Variants in ZC3H7A observed in about 807,000 individuals in gnomAD.
The protein encoded by ZC3H7A is zinc finger CCCH domain-containing protein 7A.
A neutral mutation model predicts 125.5 loss-of-function variants in ZC3H7A; 44 were observed. That is an observed-to-expected ratio of 0.35 (90% CI 0.28 to 0.45). ZC3H7A has a LOEUF of 0.45. Ranked by LOEUF, ZC3H7A falls within the 20% of genes least tolerant of loss-of-function variation. The probability of loss-of-function intolerance (pLI) is 1.00; values close to 1 mark genes in which losing one functional copy is unlikely to be tolerated. For missense variants in ZC3H7A, 977 were observed against 1,170.7 expected, an observed-to-expected ratio of 0.83 and a Z score of 2.41; for synonymous variants, 399 against 391.2, an observed-to-expected ratio of 1.02 and a Z score of -0.23.
At chr16:11,768,254 A>T in intron 12 of ZC3H7A, 61 bp downstream of exon 12, 1 of 1,345,830 alleles carries the variant, frequency 7.4e-7, no homozygotes, top group Non-Finnish European at 9.7e-7. Context: ...CAAATTCCTA[A>T]GAACTTTCAA....
intron 11 of ZC3H7A, 47 bp from the exon 12 acceptor site, chr16:11,768,548 T>C (rs1473335648): frequency 2.2e-6 from 3 of 1,395,072 alleles, no homozygotes; most frequent in East Asian, 2.3e-5. Flanking sequence ...CCAACAAATA[T>C]TGCATTATCA....
intron 12 of ZC3H7A, among the ~76,000 whole-genome samples, chr16:11,767,803 A>G (rs180842298): frequency 1.3e-5 from 2 of 152,226 alleles, no homozygotes; most frequent in African/African-American, 2.4e-5. Flanking sequence ...CTGCCAAAAA[A>G]AAATACCCTT....
At position 11,750,777 on chromosome 16, in the gene ZC3H7A, A is replaced by G. The variant is rs1297644022; in HGVS notation, c.*540T>C. 6.5e-6 allele frequency: 1 copy of G among 152,712 alleles called. No individual in the cohort carries two copies. 9.5% of individuals were successfully genotyped at this position (152,712 alleles called of 1,614,324 possible). On this transcript the variant is annotated 3_prime_UTR_variant, in exon 23 of 23. Transcript: ENST00000355758. ...ATCCTTAATTCCCTTATTATAGTGA[A>G]ACATACAAATACAGAAAAATACCCC...
chr16:11,794,270 T>A (rs140320431), intron 1 of ZC3H7A, among the ~76,000 whole-genome samples: 2 of 152,330 alleles, frequency 1.3e-5, no homozygotes, highest in East Asian at 3.9e-4. Flanking sequence ...TGCTCCAAAT[T>A]CAGGCCTTTT....
At chr16:11,754,070 T>G (rs1270606200) in intron 21 of ZC3H7A, 1 of 149,990 alleles carries the variant, frequency 6.7e-6, no homozygotes, top group Non-Finnish European at 1.5e-5. Flanking sequence ...GCAGGAGGAG[T>G]GCTTGAGCAC....
chr16:11,774,649 T>C (rs1193389695), intron 8 of ZC3H7A, 130 bp from the exon 9 acceptor site: 3 of 1,155,056 alleles, frequency 2.6e-6, no homozygotes, highest in Admixed American at 3.1e-5. Context: ...ATTGACAGTA[T>C]AGTAAAGCAA....
At chr16:11,786,870 T>C (rs955413542) in intron 1 of ZC3H7A, among the ~76,000 whole-genome samples, 2 of 152,220 alleles carry the variant, frequency 1.3e-5, no homozygotes, top group Non-Finnish European at 2.9e-5. Flanking sequence ...CTTCTGTTCA[T>C]TCATCAGTCC....
intron 21 of ZC3H7A, among the ~76,000 whole-genome samples, chr16:11,755,625 T>A (rs1294690186): frequency 6.6e-6 from 1 of 152,144 alleles, no homozygotes; most frequent in East Asian, 1.9e-4. Context: ...CATACTTCAC[T>A]AATCCATCAG....
At chr16:11,755,505 G>C (rs2052628524) in intron 21 of ZC3H7A, among the ~76,000 whole-genome samples, 1 of 152,144 alleles carries the variant, frequency 6.6e-6, no homozygotes, top group African/African-American at 2.4e-5. Context: ...CATAGAGGGA[G>C]AGGCCAGACT....
intron 1 of ZC3H7A, among the ~76,000 whole-genome samples, chr16:11,783,617 C>G (rs538875419): frequency 3.9e-4 from 59 of 152,266 alleles, no homozygotes; most frequent in African/African-American, 1.4e-3. Flanking sequence ...ACAATCAGCC[C>G]CAGTTGAGAA....
chr16:11,786,427 A>G (rs1452538527), intron 1 of ZC3H7A, among the ~76,000 whole-genome samples: 82 of 152,334 alleles, frequency 5.4e-4, no homozygotes, highest in Non-Finnish European at 7.9e-4. Flanking sequence ...GTTGACTCAA[A>G]AAGTTAATCT....
chr16:11,763,728 TATATATATATA>T (rs2052796327), intron 15 of ZC3H7A, 69 bp from the exon 16 acceptor site: 7 of 10,970 alleles, frequency 6.4e-4, no homozygotes, highest in Non-Finnish European at 4.3e-4. Flanking sequence ...TATATATATA[TATATATATATA>T]TATATATATA....
At chr16:11,772,926 G>A (rs1257715334) in intron 9 of ZC3H7A, among the ~76,000 whole-genome samples, 2 of 151,672 alleles carry the variant, frequency 1.3e-5, no homozygotes, top group Non-Finnish European at 2.9e-5. Context: ...TCGAACTCCT[G>A]GTGATCTGCC....
intron 20 of ZC3H7A, among the ~76,000 whole-genome samples, chr16:11,757,089 T>C (rs1217693308): frequency 6.6e-6 from 1 of 152,094 alleles, no homozygotes; most frequent in East Asian, 1.9e-4. Context: ...GTGAGTAGCA[T>C]CCCTGGCCTC....
chr16:11,763,545 C>T lies in ZC3H7A; in HGVS notation c.1935G>A (p.Arg645=), dbSNP rs199807260. ...CRHEVRYGCL[R]EDECFYAHSL... is the part of the protein sequence containing the mutation. Reference sequence around the variant, plus strand: ...TATGGGCATAAAAGCACTCATCTTCCCTTAAACAGCCATACCGAACTTCAT... The same window carrying T: ...TATGGGCATAAAAGCACTCATCTTCTCTTAAACAGCCATACCGAACTTCAT... Residue 645 remains arginine (R), a synonymous_variant, in exon 16 of 23, where the codon AGG becomes AGA. Coordinates refer to ENST00000355758, the MANE Select transcript of ZC3H7A (RefSeq NM_014153.4). 1.2e-6 allele frequency: 2 copies of T among 1,610,698 alleles called. No individual in the cohort carries two copies. The highest frequency in any genetic ancestry group is 2.7e-5 in the African/African-American group (2 of 74,822).
At chr16:11,780,230 C>G (rs993487566) in intron 3 of ZC3H7A, among the ~76,000 whole-genome samples, 1 of 151,488 alleles carries the variant, frequency 6.6e-6, no homozygotes, top group African/African-American at 2.4e-5. Flanking sequence ...AAGTGATTCT[C>G]GTGTCTTAGC....
At chr16:11,785,320 CAG>C (rs1044074379) in intron 1 of ZC3H7A, among the ~76,000 whole-genome samples, 17 of 151,236 alleles carry the variant, frequency 1.1e-4, no homozygotes, top group African/African-American at 3.9e-4. Flanking sequence ...GCCTGGGTGA[CAG>C]AGTGAGACCT....
At chr16:11,757,508 A>C (rs2052672082) in intron 20 of ZC3H7A, among the ~76,000 whole-genome samples, 1 of 151,580 alleles carries the variant, frequency 6.6e-6, no homozygotes, top group Non-Finnish European at 1.5e-5. Context: ...AAAAAAAAAA[A>C]AAAATTTGTT....
chr16:11,775,670 A>C (rs2053067743), intron 7 of ZC3H7A: 1 of 152,214 alleles, frequency 6.6e-6, no homozygotes, highest in Non-Finnish European at 1.5e-5. Context: ...TAAAATTAAA[A>C]ACAAAAACAA....
Sources: allele counts gnomAD v4.1 joint callset (sites outside exome capture counted in the v4.1 genomes callset), GRCh38; gene constraint gnomAD v4.1.1; transcripts MANE v1.5; gene names NCBI Gene and HGNC (gene_info 2026-07-23, HGNC 2026-07-21).